The following NT5DC3 variants were observed in gnomAD, a reference collection of about 807,000 sequenced individuals.
NT5DC3 encodes 5'-nucleotidase domain containing 3, also known as 5'-nucleotidase domain-containing protein 3.
In NT5DC3, 42 loss-of-function variants were observed where a neutral mutation model predicts 67.8. The observed-to-expected ratio is 0.62, with a 90% confidence interval of 0.48 to 0.80. The LOEUF is 0.80. Among genes scored for constraint, NT5DC3 ranks in the 30% least tolerant of loss-of-function variants. The pLI, the probability that NT5DC3 is intolerant of heterozygous loss-of-function variation, is 0.00. For synonymous variants in NT5DC3, 237 were observed against 255.6 expected (o/e 0.93, Z 0.69); for missense variants, 570 against 696.4 (o/e 0.82, Z 2.04).
At chr12:103,803,876 A>T (rs1390461040) in intron 4 of NT5DC3, among the ~76,000 whole-genome samples, 3 of 147,354 alleles carry the variant, frequency 2.0e-5, no homozygotes, top group African/African-American at 7.4e-5. Context: ...CCCCAAAAAA[A>T]TGTGTTGAGG....
In NT5DC3 at chr12:103,808,590, T is replaced by C. The variant is rs942487247; in HGVS notation, c.394-1661A>G. On this transcript the variant is annotated intron_variant, in intron 2 of 13. Coordinates refer to ENST00000392876, the MANE Select transcript of NT5DC3 (RefSeq NM_001031701.3). ...ACTAACTCAAATGTCACATTTGGGATCATTTATCCACTACCTGCCATGTGT... is the reference window on the plus strand; with the variant it reads ...ACTAACTCAAATGTCACATTTGGGACCATTTATCCACTACCTGCCATGTGT... Among the ~76,000 whole-genome samples the C allele has an allele frequency of 9.2e-5, 14 of 152,344 alleles. 1 individual carries two copies. The highest frequency in any genetic ancestry group is 2.0e-4 in the Admixed American group (3 of 15,304).
the NT5DC3 span, among the ~76,000 whole-genome samples, chr12:103,758,832 C>A: frequency 2.0e-5 from 3 of 152,220 alleles, no homozygotes; most frequent in Non-Finnish European, 4.4e-5. Flanking sequence ...GAGGCTCCGA[C>A]AGCCCCACCA....
intron 1 of NT5DC3, among the ~76,000 whole-genome samples, chr12:103,840,334 G>T (rs192210537): frequency 8.6e-5 from 13 of 151,708 alleles, no homozygotes; most frequent in Non-Finnish European, 1.3e-4. Context: ...GGATAACCCA[G>T]AACCTTCCCC....
chr12:103,803,689 C>T (rs974147373), intron 4 of NT5DC3, among the ~76,000 whole-genome samples: 2 of 152,086 alleles, frequency 1.3e-5, no homozygotes, highest in African/African-American at 4.8e-5. Flanking sequence ...TCCATGAGTC[C>T]CCATCATTTA....
chr12:103,798,667 C>T lies in NT5DC3; in HGVS notation c.535G>A (p.Val179Ile), dbSNP rs775554546. Residue 179 changes from valine to isoleucine, a missense_variant, in exon 5 of 14, where the codon GTT (valine) becomes ATT (isoleucine). Physicochemically the swap from Val to Ile is conservative, Grantham distance 29. This residue lies in a region of NT5DC3 where 466 missense variants were observed against 608.0 expected (regional missense o/e 0.77). Coordinates refer to ENST00000392876, the MANE Select transcript of NT5DC3 (RefSeq NM_001031701.3). ...QLGTVYRGLS[V>I]VPDEEVIEMY... ...TCAATGACTTCTTCATCAGGGACAA[C>T]ACTGAGGCCTCTGGAAAAACCAGAT... 3.1e-6 allele frequency: 5 copies of T among 1,613,152 alleles called. No homozygotes were observed. Among genetic ancestry groups the T allele is most frequent in the Non-Finnish European group, 4.2e-6 (5 of 1,179,064 alleles).
intron 1 of NT5DC3, among the ~76,000 whole-genome samples, chr12:103,833,809 C>G (rs575092544): frequency 7.2e-5 from 11 of 151,818 alleles, no homozygotes; most frequent in Non-Finnish European, 1.6e-4. Context: ...CTGTACCTAA[C>G]AGGACAGGCC....
downstream of NT5DC3, chr12:103,765,964 T>TG: frequency 2.3e-6 from 1 of 443,180 alleles, no homozygotes; most frequent in African/African-American, 2.0e-5. Context: ...GCTTATACCT[T>TG]GCTAAATGTA....
At chr12:103,790,880 G>C (rs1016277158) in intron 9 of NT5DC3, among the ~76,000 whole-genome samples, 2 of 149,256 alleles carry the variant, frequency 1.3e-5, no homozygotes, top group African/African-American at 2.5e-5. Flanking sequence ...TAGTAGAGAG[G>C]GGGTTTCACC....
At chr12:103,766,233 C>A, downstream of NT5DC3, 1 of 1,610,868 alleles carries the variant, frequency 6.2e-7, no homozygotes. Context: ...AAAGATTCAA[C>A]TAGGACTCAA....
intron 6 of NT5DC3, among the ~76,000 whole-genome samples, chr12:103,796,084 A>G (rs1013608331): frequency 2.0e-5 from 3 of 152,196 alleles, no homozygotes; most frequent in Non-Finnish European, 4.4e-5. Flanking sequence ...CCGTCCCCCA[A>G]CTGGATTCTT....
intron 12 of NT5DC3, among the ~76,000 whole-genome samples, chr12:103,781,468 C>T (rs762751411): frequency 6.6e-6 from 1 of 152,346 alleles, no homozygotes; most frequent in Non-Finnish European, 1.5e-5. Flanking sequence ...TTACCTCCCA[C>T]GAAGCACCCA....
At chr12:103,831,022 C>T (rs191826142) in intron 1 of NT5DC3, among the ~76,000 whole-genome samples, 1 of 152,310 alleles carries the variant, frequency 6.6e-6, no homozygotes, top group East Asian at 1.9e-4. Context: ...TTTGCACTGG[C>T]TTCTACCAGG....
At chr12:103,817,041 GAA>G (rs372589040) in intron 1 of NT5DC3, among the ~76,000 whole-genome samples, 1 of 79,352 alleles carries the variant, frequency 1.3e-5, no homozygotes, top group African/African-American at 4.4e-5. Flanking sequence ...ACAGCAAAAA[GAA>G]AAAAAAAAGA....
chr12:103,752,378 T>C, the NT5DC3 span, among the ~76,000 whole-genome samples: 2,190 of 152,348 alleles, frequency 0.014, 34 homozygotes, highest in Middle Eastern at 0.041. Context: ...TACTGAAATA[T>C]GTTCAAACGA....
intron 10 of NT5DC3, 135 bp downstream of exon 10, chr12:103,788,703 G>C (rs1349912089): frequency 1.5e-6 from 1 of 658,828 alleles, no homozygotes; most frequent in East Asian, 2.5e-5. Context: ...TTACCACCAA[G>C]TTATAATCAA....
chr12:103,839,239 C>G (rs1200923871), intron 1 of NT5DC3, among the ~76,000 whole-genome samples: 1 of 152,180 alleles, frequency 6.6e-6, no homozygotes, highest in African/African-American at 2.4e-5. Context: ...AGATCTCCCT[C>G]TATTAGTCCT....
At chr12:103,753,424 T>TG in the NT5DC3 span, 5 of 1,605,466 alleles carry the variant, frequency 3.1e-6, no homozygotes, top group Non-Finnish European at 1.7e-6. Context: ...TTTCTTAAGA[T>TG]GGGGAAGACT....
the NT5DC3 span, among the ~76,000 whole-genome samples, chr12:103,747,008 G>C: frequency 7.2e-6 from 1 of 139,588 alleles, no homozygotes; most frequent in African/African-American, 2.7e-5. Flanking sequence ...CCAGGCTGGA[G>C]TGCAATGGTG....
the NT5DC3 span, chr12:103,750,693 G>A: frequency 2.2e-5 from 36 of 1,613,966 alleles, no homozygotes; most frequent in Non-Finnish European, 2.7e-5. Flanking sequence ...CCATGCAGAC[G>A]CCAAATGTGT....
Sources: allele counts gnomAD v4.1 joint callset (sites outside exome capture counted in the v4.1 genomes callset), GRCh38; gene constraint gnomAD v4.1.1; regional missense constraint gnomAD v4.1.1; transcripts MANE v1.5; gene names NCBI Gene and HGNC (gene_info 2026-07-23, HGNC 2026-07-21).